NEK7: variants seen among roughly 807,000 people sequenced by gnomAD.
NEK7 encodes the protein serine/threonine-protein kinase Nek7.
A neutral mutation model predicts 44.6 loss-of-function variants in NEK7; 18 were observed. The observed-to-expected ratio is 0.40, with a 90% CI of 0.28 to 0.60. NEK7 has a LOEUF of 0.60. Among genes scored for constraint, NEK7 ranks in the 20% least tolerant of loss-of-function variants. The pLI is 0.38. For missense variants in NEK7, 256 were observed against 366.5 expected, an observed-to-expected ratio of 0.70 and a Z score of 2.46; for synonymous variants, 130 against 121.1, an observed-to-expected ratio of 1.07 and a Z score of -0.48.
intron 1 of NEK7, among the ~76,000 whole-genome samples, chr1:198,187,308 C>T (rs1664950297): frequency 6.6e-6 from 1 of 152,100 alleles, no homozygotes; most frequent in Non-Finnish European, 1.5e-5. Context: ...TCAGGGCAGT[C>T]AGCATTGCTC....
At chr1:198,159,543 A>C (rs1002489707) in intron 1 of NEK7, among the ~76,000 whole-genome samples, 1 of 152,244 alleles carries the variant, frequency 6.6e-6, no homozygotes, top group African/African-American at 2.4e-5. Flanking sequence ...GCGTTTTCAC[A>C]ACTTCTTGGG....
chr1:198,272,063 T>A (rs1002006251), intron 5 of NEK7, among the ~76,000 whole-genome samples: 1 of 151,414 alleles, frequency 6.6e-6, no homozygotes, highest in Non-Finnish European at 1.5e-5. Context: ...ATTATTTTTT[T>A]AAGAGCAATG....
intron 5 of NEK7, among the ~76,000 whole-genome samples, chr1:198,271,905 T>TTATATATATATATATATATA (rs34354855): frequency 7.8e-5 from 11 of 141,386 alleles, no homozygotes; most frequent in Middle Eastern, 3.7e-3. Flanking sequence ...AATTTATATT[T>TTATATATATATATATATATA]TATATATATA....
At chr1:198,228,244 A>C (rs932177337) in intron 1 of NEK7, among the ~76,000 whole-genome samples, 3 of 152,130 alleles carry the variant, frequency 2.0e-5, no homozygotes, top group Admixed American at 1.3e-4. Flanking sequence ...TTTTGGTACC[A>C]GTACCATGCT....
chr1:198,299,266 T>G (rs1042482979), intron 9 of NEK7, among the ~76,000 whole-genome samples: 4 of 152,194 alleles, frequency 2.6e-5, no homozygotes, highest in African/African-American at 9.7e-5. Context: ...CTTTAATCTA[T>G]TTAGTTATGT....
intron 2 of NEK7, among the ~76,000 whole-genome samples, chr1:198,233,435 T>C (rs972511596): frequency 1.3e-5 from 2 of 152,212 alleles, no homozygotes. Context: ...CTCATTTTTA[T>C]TGCTGTTGTT....
intron 9 of NEK7, among the ~76,000 whole-genome samples, chr1:198,313,315 T>C (rs1655249543): frequency 6.6e-6 from 1 of 151,916 alleles, no homozygotes; most frequent in Non-Finnish European, 1.5e-5. Flanking sequence ...CATCCTTTTA[T>C]TTTGAGCCTA....
At chr1:198,304,753 CA>C in intron 9 of NEK7, among the ~76,000 whole-genome samples, 1 of 152,226 alleles carries the variant, frequency 6.6e-6, no homozygotes, top group Non-Finnish European at 1.5e-5. Context: ...TAGAAATATA[CA>C]GATCGAAATG....
chr1:198,189,458 T>C (rs1571514124), intron 1 of NEK7, among the ~76,000 whole-genome samples: 1 of 152,156 alleles, frequency 6.6e-6, no homozygotes, highest in Admixed American at 6.5e-5. Context: ...AAGATCATAG[T>C]AGTCAGGCTA....
At chr1:198,277,841 T>G in intron 5 of NEK7, 120 bp from the exon 6 acceptor site, 1 of 615,758 alleles carries the variant, frequency 1.6e-6, no homozygotes, top group Non-Finnish European at 2.9e-6. Context: ...GATCATATGC[T>G]TTTTAGTTGA....
At chr1:198,206,392 C>T (rs915799567) in intron 1 of NEK7, among the ~76,000 whole-genome samples, 2 of 152,134 alleles carry the variant, frequency 1.3e-5, no homozygotes, top group Middle Eastern at 3.4e-3. Context: ...GTGCTAGAAG[C>T]CTTTGTATTT....
chr1:198,253,186 A>T lies in NEK7; in HGVS notation c.198+6A>T. The T allele has an allele frequency of 1.3e-6, 2 of 1,574,184 alleles. No homozygotes were observed. The highest frequency in any genetic ancestry group is 1.7e-6 in the Non-Finnish European group (2 of 1,151,910). ...TAGCTTTAAAAAAAGTGCAGGTAAG[A>T]TGACTTTAATTATATAAATCAATGT... On this transcript the variant is annotated splice_donor_region_variant and intron_variant, in intron 3 of 9. Coordinates refer to ENST00000367385, the MANE Select transcript of NEK7 (RefSeq NM_133494.3).
intron 9 of NEK7, among the ~76,000 whole-genome samples, chr1:198,307,707 A>G (rs1655057358): frequency 6.6e-6 from 1 of 152,184 alleles, no homozygotes; most frequent in Non-Finnish European, 1.5e-5. Flanking sequence ...TCTGAGTGGA[A>G]TAAACTATGT....
chr1:198,172,192 G>A (rs535707776), intron 1 of NEK7, among the ~76,000 whole-genome samples: 7 of 152,140 alleles, frequency 4.6e-5, no homozygotes, highest in Admixed American at 2.6e-4. Flanking sequence ...TTTGGCTGGG[G>A]TGTGGATTGG....
chr1:198,314,464 C>T (rs370330031), intron 9 of NEK7, among the ~76,000 whole-genome samples: 7 of 152,298 alleles, frequency 4.6e-5, no homozygotes, highest in East Asian at 1.9e-4. Context: ...AGCTTTGTTC[C>T]GTTGCTGGTG....
chr1:198,238,764 A>G (rs569405104), intron 2 of NEK7, among the ~76,000 whole-genome samples: 95 of 152,350 alleles, frequency 6.2e-4, no homozygotes, highest in African/African-American at 2.2e-3. Context: ...CTCCAAGCCA[A>G]TTAGTTTTTA....
At chr1:198,263,296 A>C (rs1031916890) in intron 4 of NEK7, among the ~76,000 whole-genome samples, 6 of 151,902 alleles carry the variant, frequency 3.9e-5, no homozygotes. Context: ...AAAAGGAAGA[A>C]AGTAAGGTCA....
At chr1:198,188,145 C>T (rs562897410) in intron 1 of NEK7, among the ~76,000 whole-genome samples, 7 of 152,286 alleles carry the variant, frequency 4.6e-5, no homozygotes, top group African/African-American at 9.6e-5. Flanking sequence ...TCCAAAAAGT[C>T]GTTGTCTATC....
At chr1:198,281,623 G>T (rs1654200804) in intron 7 of NEK7, among the ~76,000 whole-genome samples, 1 of 151,940 alleles carries the variant, frequency 6.6e-6, no homozygotes. Context: ...AGATATATAG[G>T]ATTTTAAAAA....
Sources: gnomAD v4.1 joint callset for allele counts (sites outside exome capture counted in the v4.1 genomes callset) on GRCh38, gnomAD v4.1.1 for gene constraint, MANE v1.5 for transcripts, NCBI Gene and HGNC (gene_info 2026-07-23, HGNC 2026-07-21) for gene names.